MAP3K13: variants seen among roughly 807,000 people sequenced by gnomAD.
The protein encoded by MAP3K13 is leucine zipper-bearing kinase.
In MAP3K13, 52 loss-of-function variants were observed where a neutral mutation model predicts 104.0. The observed-to-expected ratio is 0.50, with a 90% CI of 0.40 to 0.63. MAP3K13 has a LOEUF of 0.63. MAP3K13 is among the 20% of genes least tolerant of loss of function. The probability of loss-of-function intolerance (pLI) is 0.00; values close to 1 mark genes in which losing one functional copy is unlikely to be tolerated. For missense variants in MAP3K13, 914 were observed against 1,218.5 expected, an observed-to-expected ratio of 0.75 and a Z score of 3.72; for synonymous variants, 394 against 442.2, an observed-to-expected ratio of 0.89 and a Z score of 1.37.
At chr3:185,415,049 C>T (rs1185782889) in intron 1 of MAP3K13, among the ~76,000 whole-genome samples, 1 of 152,210 alleles carries the variant, frequency 6.6e-6, no homozygotes, top group Non-Finnish European at 1.5e-5. Context: ...TCCTTTCTCA[C>T]TTGCTTAGAG....
In MAP3K13 at chr3:185,443,556, A is replaced by G. The variant is rs755371719; in HGVS notation, c.771A>G (p.Val257=). The G allele has an allele frequency of 1.2e-6, 2 of 1,614,118 alleles. No individual in the cohort carries two copies. Among genetic ancestry groups the G allele is most frequent in the Non-Finnish European group, 1.7e-6 (2 of 1,179,942 alleles). Residue 257 remains valine, a synonymous_variant, in exon 4 of 14, where the codon GTA becomes GTG. Coordinates refer to ENST00000265026, the MANE Select transcript of MAP3K13 (RefSeq NM_004721.5). The stretch of plus-strand genomic sequence containing the variant: ...GGAAGATCACACCTCGATTGCTAGT[A>G]GACTGGTCCACAGGAATTGCAAGTG... ...AGRKITPRLL[V]DWSTGIASGM... is the part of the protein sequence containing the mutation.
chr3:185,301,458 G>A (rs887776198), intron 2 of MAP3K13, among the ~76,000 whole-genome samples: 4 of 152,118 alleles, frequency 2.6e-5, no homozygotes, highest in South Asian at 2.1e-4. Context: ...TTGTAAGTTC[G>A]CTGTAGTCCC....
Position 185,450,763 on chromosome 3 carries a change from C to T in MAP3K13, c.1170-524C>T, listed in dbSNP as rs1331192448. On this transcript the variant is annotated intron_variant, in intron 6 of 13. Transcript: ENST00000265026. The surrounding 1 kb of genome is among the most constrained non-coding windows in gnomAD (Gnocchi z 4.2). The stretch of plus-strand genomic sequence containing the variant: ...CAGCTTAGGCAACATAGTGAGACCC[C>T]GTCTCTGAAAAAAAAATAAAAAATA... Among the ~76,000 whole-genome samples, 4 of 150,732 alleles carry T rather than the reference C, an allele frequency of 2.7e-5. No individual in the cohort carries two copies. Among genetic ancestry groups the T allele is most frequent in the East Asian group, 1.9e-4 (1 of 5,144 alleles).
intron 1 of MAP3K13, among the ~76,000 whole-genome samples, chr3:185,410,948 A>AG (rs1427645522): frequency 6.6e-6 from 1 of 152,042 alleles, no homozygotes; most frequent in East Asian, 1.9e-4. Context: ...AAAAAAAAAA[A>AG]AGGTTCAGCA....
chr3:185,455,917 A>T (rs1464273835), intron 7 of MAP3K13, among the ~76,000 whole-genome samples: 1 of 143,962 alleles, frequency 6.9e-6, no homozygotes, highest in Non-Finnish European at 1.5e-5. Flanking sequence ...TATAGATGAG[A>T]TATATATGAT....
At chr3:185,368,316 T>C (rs931924246) in intron 1 of MAP3K13, among the ~76,000 whole-genome samples, 14 of 152,318 alleles carry the variant, frequency 9.2e-5, no homozygotes, top group African/African-American at 3.1e-4. Flanking sequence ...CAGCTTTAAT[T>C]CCTAGTTCTG....
At chr3:185,400,908 T>TG (rs1278690148) in intron 1 of MAP3K13, among the ~76,000 whole-genome samples, 28 of 110,698 alleles carry the variant, frequency 2.5e-4, no homozygotes, top group Admixed American at 6.4e-4. Flanking sequence ...TTTGTTTGTT[T>TG]TTTTTTTTTT....
chr3:185,427,807 G>T (rs187543933), intron 1 of MAP3K13, among the ~76,000 whole-genome samples: 27 of 152,240 alleles, frequency 1.8e-4, no homozygotes, highest in East Asian at 1.2e-3. Context: ...GGCCGGGCAC[G>T]GTGGCTCACG....
chr3:185,369,267 T>C (rs1421076613), intron 1 of MAP3K13, among the ~76,000 whole-genome samples: 1 of 152,204 alleles, frequency 6.6e-6, no homozygotes, highest in African/African-American at 2.4e-5. Flanking sequence ...TGCATTGTAT[T>C]GTTTATGTGC....
At chr3:185,329,108 C>T (rs1722146035) in intron 2 of MAP3K13, 1 of 620,566 alleles carries the variant, frequency 1.6e-6, no homozygotes, top group Non-Finnish European at 2.9e-6. Context: ...TTTCAGCACT[C>T]AGCAGTAGTT....
chr3:185,477,504 A>T, intron 12 of MAP3K13, 108 bp downstream of exon 12: 1 of 800,108 alleles, frequency 1.2e-6, no homozygotes, highest in East Asian at 2.6e-5. Flanking sequence ...CAGCCACCTT[A>T]TAGGGAACTT....
chr3:185,456,572 G>T (rs1007174964), intron 7 of MAP3K13, among the ~76,000 whole-genome samples: 1 of 148,472 alleles, frequency 6.7e-6, no homozygotes, highest in Non-Finnish European at 1.5e-5. Flanking sequence ...TTAAGATATG[G>T]TTGCAATCAC....
At chr3:185,309,908 G>A (rs1195582055) in intron 2 of MAP3K13, among the ~76,000 whole-genome samples, 21 of 152,162 alleles carry the variant, frequency 1.4e-4, no homozygotes, top group Admixed American at 1.3e-3. Flanking sequence ...ACAGAAAGCC[G>A]CATACCCGAG....
chr3:185,441,031 A>T (rs1715292236), intron 3 of MAP3K13, among the ~76,000 whole-genome samples: 1 of 152,242 alleles, frequency 6.6e-6, no homozygotes, highest in Admixed American at 6.5e-5. Context: ...TTAAAAAGCT[A>T]AAAGGGAGGC....
intron 7 of MAP3K13, among the ~76,000 whole-genome samples, chr3:185,455,863 A>G (rs1014249730): frequency 1.5e-5 from 1 of 67,718 alleles, no homozygotes; most frequent in African/African-American, 3.9e-5. Context: ...TGAGATATAT[A>G]TGAGATATAG....
chr3:185,488,338 A>G lies in MAP3K13; in HGVS notation c.*5882A>G, dbSNP rs539537290. On this transcript the variant is annotated 3_prime_UTR_variant, in exon 14 of 14. Coordinates refer to ENST00000265026, the MANE Select transcript of MAP3K13 (RefSeq NM_004721.5). ...GTGTCCCACCCTCACAGACTGGCACATTAGAATCATATTAATCTGCTTGTT... is the reference window on the plus strand; with the variant it reads ...GTGTCCCACCCTCACAGACTGGCACGTTAGAATCATATTAATCTGCTTGTT... The G allele has an allele frequency of 2.0e-5, 3 of 152,330 alleles. No individual in the cohort carries two copies. Among genetic ancestry groups the G allele is most frequent in the South Asian group, 4.2e-4 (2 of 4,818 alleles). The allele number at this position is 152,330 out of a possible 1,614,324, so 9.4% of individuals were successfully genotyped here. A position where few individuals can be genotyped will look rare whatever the true frequency, so the allele number is the denominator to read the frequency against.
chr3:185,464,233 A>C (rs1285187962), intron 8 of MAP3K13, among the ~76,000 whole-genome samples: 1 of 152,228 alleles, frequency 6.6e-6, no homozygotes, highest in African/African-American at 2.4e-5. Context: ...GGCTACAGTG[A>C]GCCCAGATTG....
At chr3:185,329,334 G>A in intron 2 of MAP3K13, 2 of 682,052 alleles carry the variant, frequency 2.9e-6, no homozygotes, top group South Asian at 3.1e-5. Context: ...TTTTCCTCTG[G>A]TTTAGATTCA....
At chr3:185,285,480 C>T in intron 1 of MAP3K13, 1 of 631,292 alleles carries the variant, frequency 1.6e-6, no homozygotes. Flanking sequence ...CTCAGTGGTA[C>T]CTTAGGTCTG....
Sources: allele counts gnomAD v4.1 joint callset (sites outside exome capture counted in the v4.1 genomes callset), GRCh38; gene constraint gnomAD v4.1.1; non-coding constraint Gnocchi (gnomAD v3.1); transcripts MANE v1.5; gene names NCBI Gene and HGNC (gene_info 2026-07-23, HGNC 2026-07-21).